L3MBTL4: variants seen among roughly 807,000 people sequenced by gnomAD.
L3MBTL4 encodes L3MBTL histone methyl-lysine binding protein 4, also known as lethal(3)malignant brain tumor-like protein 4.
In L3MBTL4, 70 loss-of-function variants were observed where a neutral mutation model predicts 84.5. The ratio of observed to expected loss-of-function variants is 0.83; its 90% confidence interval spans 0.68 to 1.01. L3MBTL4 has a LOEUF of 1.01. Ranked by LOEUF, L3MBTL4 falls within the 50% of genes least tolerant of loss-of-function variation. The pLI is 0.00. For missense variants in L3MBTL4, 715 were observed against 754.8 expected (o/e 0.95, Z 0.62); for synonymous variants, 274 against 259.8 (o/e 1.05, Z -0.52).
intron 1 of L3MBTL4, among the ~76,000 whole-genome samples, chr18:6,350,692 T>C (rs1380947358): frequency 6.6e-6 from 1 of 151,624 alleles, no homozygotes; most frequent in Non-Finnish European, 1.5e-5. Flanking sequence ...AAGCATAGAG[T>C]TACCATATGA....
intron 16 of L3MBTL4, among the ~76,000 whole-genome samples, chr18:6,041,526 G>A (rs1483796413): frequency 1.4e-5 from 1 of 69,602 alleles, no homozygotes; most frequent in Non-Finnish European, 2.8e-5. Flanking sequence ...TCTTTTCTTT[G>A]TGATCATTTG....
intron 16 of L3MBTL4, among the ~76,000 whole-genome samples, chr18:6,034,377 T>A (rs2056003809): frequency 6.6e-6 from 1 of 151,236 alleles, no homozygotes; most frequent in African/African-American, 2.4e-5. Flanking sequence ...AATTCCCACC[T>A]ATGAGTAAGA....
intron 12 of L3MBTL4, among the ~76,000 whole-genome samples, chr18:6,188,059 T>C (rs1175988461): frequency 6.6e-6 from 1 of 152,158 alleles, no homozygotes; most frequent in African/African-American, 2.4e-5. Context: ...TCAGCACTTA[T>C]GTTCCTGATG....
chr18:6,375,279 T>A (rs765577504), intron 1 of L3MBTL4, among the ~76,000 whole-genome samples: 14 of 152,078 alleles, frequency 9.2e-5, no homozygotes, highest in Non-Finnish European at 1.5e-5. Flanking sequence ...GGCCCCTCCA[T>A]GGCTCTCCCG....
chr18:5,956,447 C>T, intron 18 of L3MBTL4, 60 bp from the exon 19 acceptor site: 1 of 1,523,966 alleles, frequency 6.6e-7, no homozygotes, highest in Non-Finnish European at 9.0e-7. Flanking sequence ...TGTTTACTCA[C>T]CAGTAACACT....
chr18:6,122,608 G>A (rs544557528), intron 14 of L3MBTL4, among the ~76,000 whole-genome samples: 44 of 152,212 alleles, frequency 2.9e-4, no homozygotes, highest in African/African-American at 1.0e-3. Context: ...CAGCCATGTG[G>A]AACTGTAAGT....
chr18:6,355,136 A>C (rs1261903572), intron 1 of L3MBTL4, among the ~76,000 whole-genome samples: 1 of 152,188 alleles, frequency 6.6e-6, no homozygotes, highest in African/African-American at 2.4e-5. Context: ...TTCCAACAAC[A>C]TGGATAGAAC....
At chr18:6,160,979 A>G (rs1242692997) in intron 13 of L3MBTL4, among the ~76,000 whole-genome samples, 1 of 152,212 alleles carries the variant, frequency 6.6e-6, no homozygotes, top group Non-Finnish European at 1.5e-5. Flanking sequence ...ACAGTTTCCA[A>G]ATGATGTGAC....
At chr18:6,171,164 T>A (rs73381998) in intron 13 of L3MBTL4, among the ~76,000 whole-genome samples, 11,134 of 152,156 alleles carry the variant, frequency 0.073, 1,381 homozygotes, top group African/African-American at 0.25. Context: ...GGAGGGAAAG[T>A]GAAGCAGTGA....
chr18:6,086,860 C>A (rs1282581731), intron 15 of L3MBTL4, among the ~76,000 whole-genome samples: 3 of 152,146 alleles, frequency 2.0e-5, no homozygotes, highest in Admixed American at 6.6e-5. Context: ...GTTTGCTCAC[C>A]TCCACATCCC....
intron 17 of L3MBTL4, among the ~76,000 whole-genome samples, chr18:5,967,614 G>A (rs1027499592): frequency 6.6e-6 from 1 of 152,190 alleles, no homozygotes; most frequent in African/African-American, 2.4e-5. Flanking sequence ...GCAGAGTGTA[G>A]TGAGGGGTTC....
chr18:6,068,351 G>A (rs768888168), intron 16 of L3MBTL4, among the ~76,000 whole-genome samples: 3 of 152,160 alleles, frequency 2.0e-5, no homozygotes, highest in Non-Finnish European at 4.4e-5. Context: ...ATATCTAATG[G>A]TGGGCAGAGG....
chr18:6,383,666 T>A (rs1001011946), intron 1 of L3MBTL4, among the ~76,000 whole-genome samples: 5 of 152,178 alleles, frequency 3.3e-5, no homozygotes, highest in South Asian at 4.1e-4. Context: ...CCCAATGAGA[T>A]GAACTGGGTA....
intron 5 of L3MBTL4, among the ~76,000 whole-genome samples, chr18:6,245,747 G>A (rs1310121779): frequency 3.3e-5 from 5 of 151,588 alleles, no homozygotes; most frequent in African/African-American, 9.7e-5. Context: ...GCACCACTAC[G>A]GCCTGGCTAA....
At chr18:6,403,555 C>A (rs916698414) in intron 1 of L3MBTL4, among the ~76,000 whole-genome samples, 3 of 152,182 alleles carry the variant, frequency 2.0e-5, no homozygotes, top group African/African-American at 4.8e-5. Flanking sequence ...AAGTACATAT[C>A]ATTTTACCAT....
chr18:6,256,989 T>C (rs2048169982), intron 5 of L3MBTL4: 1 of 152,142 alleles, frequency 6.6e-6, no homozygotes, highest in South Asian at 2.1e-4. Flanking sequence ...GAAAAGGCAG[T>C]GGGAAAAGCA....
rs762806273 is a variant in L3MBTL4, at chr18:6,029,535, A to G, written c.1444+51346T>C. ...CAGACAATCTTAGGTGGAGGACATCAAGGAAGAAATACGTCCATTTATTGC... is the reference window on the plus strand; with the variant it reads ...CAGACAATCTTAGGTGGAGGACATCGAGGAAGAAATACGTCCATTTATTGC... On this transcript the variant is annotated intron_variant, in intron 16 of 18. Coordinates refer to ENST00000317931, the MANE Select transcript of L3MBTL4 (RefSeq NM_001330559.2). 46 of 985,152 alleles carry G rather than the reference A, an allele frequency of 4.7e-5. 1 individual carries two copies. Among genetic ancestry groups the G allele is most frequent in the Non-Finnish European group, 5.2e-5 (43 of 829,778 alleles). The allele number at this position is 985,152 out of a possible 1,614,324, so 61.0% of individuals were successfully genotyped here. A position where few individuals can be genotyped will look rare whatever the true frequency, so the allele number is the denominator to read the frequency against.
chr18:6,116,359 G>GC (rs2059359767), intron 14 of L3MBTL4, among the ~76,000 whole-genome samples: 1 of 129,948 alleles, frequency 7.7e-6, no homozygotes, highest in Non-Finnish European at 1.6e-5. Context: ...GTTGTTGCTG[G>GC]TTTTTTTTTT....
Position 6,154,506 on chromosome 18 carries a change from T to C in L3MBTL4, c.1097-16210A>G, listed in dbSNP as rs117384915. Among the ~76,000 whole-genome samples, 21 of 152,216 alleles carry C rather than the reference T, an allele frequency of 1.4e-4. No individual in the cohort carries two copies. In the East Asian group the frequency reaches 3.7e-3, roughly 27 times the overall value. The stretch of plus-strand genomic sequence containing the variant: ...TCTGGGTATGAGCACGAGATAGAAG[T>C]CAGAGACTACTACTCTTCTCCTCAG... On this transcript the variant is annotated intron_variant, in intron 13 of 18. Coordinates refer to ENST00000317931, the MANE Select transcript of L3MBTL4 (RefSeq NM_001330559.2).
Sources: allele counts gnomAD v4.1 joint callset (sites outside exome capture counted in the v4.1 genomes callset), GRCh38; gene constraint gnomAD v4.1.1; transcripts MANE v1.5; gene names NCBI Gene and HGNC (gene_info 2026-07-23, HGNC 2026-07-21).